Variants in SBF2 observed in about 807,000 individuals in gnomAD.
SBF2 encodes the protein SET binding factor 2.
Under a neutral mutation model 225.2 loss-of-function variants are expected in SBF2, and 112 were observed. The observed-to-expected ratio is 0.50, with a 90% CI of 0.43 to 0.58. The LOEUF (loss-of-function observed/expected upper bound fraction) is 0.58, where lower values mean the gene tolerates loss of function less well. SBF2 is among the 20% of genes least tolerant of loss of function. SBF2 has a pLI of 0.00. For synonymous variants in SBF2, 763 were observed against 773.3 expected (o/e 0.99, Z 0.22); for missense variants, 1,996 against 2,206.2 (o/e 0.90, Z 1.91).
At chr11:10,193,241 G>GAA (rs146676336) in intron 2 of SBF2, among the ~76,000 whole-genome samples, 2 of 144,624 alleles carry the variant, frequency 1.4e-5, no homozygotes, top group African/African-American at 2.5e-5. Context: ...ACATTTTCAG[G>GAA]AAAAAAAAAA....
At chr11:10,115,021 T>C (rs1043677185) in intron 2 of SBF2, among the ~76,000 whole-genome samples, 12 of 152,338 alleles carry the variant, frequency 7.9e-5, no homozygotes, top group Admixed American at 4.6e-4. Context: ...CAACCAGGGA[T>C]ATGGGAAAGA....
At chr11:10,211,519 A>AT (rs1176635241) in intron 1 of SBF2, among the ~76,000 whole-genome samples, 1 of 152,178 alleles carries the variant, frequency 6.6e-6, no homozygotes, top group East Asian at 1.9e-4. Flanking sequence ...AGGTCCTCCA[A>AT]TTTTTTATGG....
chr11:10,259,108 T>C (rs1414182688), intron 1 of SBF2, among the ~76,000 whole-genome samples: 1 of 152,176 alleles, frequency 6.6e-6, no homozygotes, highest in African/African-American at 2.4e-5. Context: ...GCTTGAGAAG[T>C]TGTCTTTTCC....
At chr11:10,304,540 G>GTCCT (rs1964630877) in exon 1 of SBF2, 1 of 152,178 alleles carries the variant, frequency 6.6e-6, no homozygotes, top group African/African-American at 2.4e-5. Flanking sequence ...GGACTAGTGA[G>GTCCT]TCCTGCTCCT....
intron 1 of SBF2, among the ~76,000 whole-genome samples, chr11:10,229,078 T>C (rs1462435488): frequency 1.3e-5 from 2 of 152,228 alleles, no homozygotes; most frequent in Middle Eastern, 3.2e-3. Flanking sequence ...TATCCATTTC[T>C]TCTAGATTTT....
chr11:9,850,360 A>C, intron 21 of SBF2, 142 bp from the exon 22 acceptor site: 1 of 780,014 alleles, frequency 1.3e-6, no homozygotes. Flanking sequence ...GGCTCAAAAG[A>C]TCCTCTGACC....
intron 2 of SBF2, among the ~76,000 whole-genome samples, chr11:10,072,923 C>G (rs1950951212): frequency 6.6e-6 from 1 of 151,376 alleles, no homozygotes; most frequent in Admixed American, 6.6e-5. Flanking sequence ...TCATCATCAT[C>G]ATCATCATTA....
chr11:10,215,765 G>A (rs1156638705), intron 1 of SBF2, among the ~76,000 whole-genome samples: 1 of 152,132 alleles, frequency 6.6e-6, no homozygotes, highest in Non-Finnish European at 1.5e-5. Context: ...TACTTGTTGT[G>A]CACTTCAAAT....
At chr11:9,812,472 A>G (rs1854240940) in intron 30 of SBF2, 60 bp downstream of exon 30, 2 of 1,559,500 alleles carry the variant, frequency 1.3e-6, no homozygotes, top group Admixed American at 1.7e-5. Flanking sequence ...ACAGTTCTGT[A>G]TATCTACTTG....
intron 32 of SBF2, among the ~76,000 whole-genome samples, chr11:9,805,178 G>A (rs557905533): frequency 4.6e-4 from 69 of 149,080 alleles, no homozygotes; most frequent in Admixed American, 1.5e-3. Context: ...CCTGGGAGGC[G>A]GAGGTTGTAG....
intron 1 of SBF2, among the ~76,000 whole-genome samples, chr11:10,276,045 A>C (rs1288023555): frequency 6.6e-6 from 1 of 152,202 alleles, no homozygotes; most frequent in Non-Finnish European, 1.5e-5. Flanking sequence ...ATGATCTTTT[A>C]ACAGTGGTCA....
At chr11:9,852,155 C>G (rs911557415) in intron 21 of SBF2, among the ~76,000 whole-genome samples, 1 of 152,170 alleles carries the variant, frequency 6.6e-6, no homozygotes, top group Non-Finnish European at 1.5e-5. Flanking sequence ...CGCCAGACTA[C>G]AAAGTAATCA....
intron 17 of SBF2, among the ~76,000 whole-genome samples, chr11:9,874,317 A>G (rs1278705794): frequency 6.6e-6 from 1 of 152,210 alleles, no homozygotes; most frequent in Non-Finnish European, 1.5e-5. Flanking sequence ...CAGAAATCAC[A>G]GTACTACTGA....
At chr11:10,088,025 A>G (rs1394220801) in intron 2 of SBF2, among the ~76,000 whole-genome samples, 1 of 141,822 alleles carries the variant, frequency 7.1e-6, no homozygotes, top group Non-Finnish European at 1.6e-5. Flanking sequence ...GCAAACTTTA[A>G]TTTTTTTTTT....
chr11:10,226,397 G>A (rs963933042), intron 1 of SBF2, among the ~76,000 whole-genome samples: 2 of 151,962 alleles, frequency 1.3e-5, no homozygotes, highest in Non-Finnish European at 2.9e-5. Flanking sequence ...TGTAACATAT[G>A]TATACATGTG....
chr11:10,211,524 T>C (rs566356602), intron 1 of SBF2, among the ~76,000 whole-genome samples: 1 of 152,350 alleles, frequency 6.6e-6, no homozygotes, highest in South Asian at 2.1e-4. Flanking sequence ...CTCCAATTTT[T>C]TATGGACTTC....
chr11:9,827,598 C>T (rs11042504), intron 28 of SBF2, among the ~76,000 whole-genome samples: 7 of 151,642 alleles, frequency 4.6e-5, no homozygotes, highest in African/African-American at 7.3e-5. Context: ...CTCACATAAA[C>T]TTCCAGAGAA....
At chr11:10,140,623 T>C (rs1255202049) in intron 2 of SBF2, among the ~76,000 whole-genome samples, 2 of 152,196 alleles carry the variant, frequency 1.3e-5, no homozygotes, top group African/African-American at 2.4e-5. Context: ...CTCAGTTTTG[T>C]CAGCTGTTCT....
At chr11:9,884,645 A>G (rs921720105) in intron 17 of SBF2, among the ~76,000 whole-genome samples, 8 of 152,200 alleles carry the variant, frequency 5.3e-5, no homozygotes, top group Non-Finnish European at 7.3e-5. Flanking sequence ...CATTTGCCAC[A>G]GAGCTGTGGG....
Sources: allele counts gnomAD v4.1 joint callset (sites outside exome capture counted in the v4.1 genomes callset), GRCh38; gene constraint gnomAD v4.1.1; transcripts MANE v1.5; gene names NCBI Gene and HGNC (gene_info 2026-07-23, HGNC 2026-07-21).